The following ERC2 variants were observed in gnomAD, a reference collection of about 807,000 sequenced individuals.
The protein encoded by ERC2 is ELKS/RAB6-interacting/CAST family member 2, also known as ERC protein 2.
In ERC2, 42 loss-of-function variants were observed where a neutral mutation model predicts 114.8. That is an observed-to-expected ratio of 0.37 (90% confidence interval 0.29 to 0.47). The LOEUF (loss-of-function observed/expected upper bound fraction) is 0.47, where lower values mean the gene tolerates loss of function less well. ERC2 is among the 20% of genes least tolerant of loss of function. The pLI, the probability that ERC2 is intolerant of heterozygous loss-of-function variation, is 0.99. For missense variants in ERC2, 939 were observed against 1,150.7 expected, an observed-to-expected ratio of 0.82 and a Z score of 2.66; for synonymous variants, 454 against 425.5, an observed-to-expected ratio of 1.07 and a Z score of -0.82.
chr3:56,343,192 T>TCACACACACACACACACACACA (rs61632315), intron 2 of ERC2, among the ~76,000 whole-genome samples: 11 of 126,128 alleles, frequency 8.7e-5, no homozygotes, highest in South Asian at 2.8e-4. Context: ...TCTCTCTCTC[T>TCACACACACACACACACACACA]CACACACACA....
At chr3:56,267,542 C>T (rs139274542) in intron 3 of ERC2, among the ~76,000 whole-genome samples, 242 of 150,650 alleles carry the variant, frequency 1.6e-3, no homozygotes, top group African/African-American at 5.3e-3. Flanking sequence ...GAGGCCAAGG[C>T]GGGTGGATCA....
At chr3:55,986,114 C>T in intron 11 of ERC2, 126 bp from the exon 12 acceptor site, 2 of 926,090 alleles carry the variant, frequency 2.2e-6, no homozygotes, top group Non-Finnish European at 3.3e-6. Flanking sequence ...GTTATATCAG[C>T]AGGTTTATAA....
intron 14 of ERC2, among the ~76,000 whole-genome samples, chr3:55,797,511 C>T (rs1331654436): frequency 6.6e-6 from 1 of 152,218 alleles, no homozygotes; most frequent in African/African-American, 2.4e-5. Flanking sequence ...ATTTCAGTCA[C>T]TTGCGGTTCC....
At chr3:55,589,449 G>C (rs561326642) in intron 17 of ERC2, among the ~76,000 whole-genome samples, 1 of 152,126 alleles carries the variant, frequency 6.6e-6, no homozygotes, top group African/African-American at 2.4e-5. Flanking sequence ...ATGACTACAC[G>C]GGGAATGTTG....
chr3:56,139,291 A>G (rs1215406489), intron 6 of ERC2, among the ~76,000 whole-genome samples: 1 of 152,204 alleles, frequency 6.6e-6, no homozygotes, highest in Non-Finnish European at 1.5e-5. Flanking sequence ...AAAAATATGC[A>G]TGTGTTTGTT....
At chr3:55,687,812 G>C (rs865273) in intron 16 of ERC2, among the ~76,000 whole-genome samples, 143,592 of 152,342 alleles carry the variant, frequency 0.94, 67,704 homozygotes, top group East Asian at 1. Context: ...CAAAGCAGAT[G>C]CTGTTAGCAT....
At chr3:56,274,333 C>T (rs1230028917) in intron 3 of ERC2, among the ~76,000 whole-genome samples, 4 of 152,136 alleles carry the variant, frequency 2.6e-5, no homozygotes, top group African/African-American at 9.7e-5. Flanking sequence ...GAAAAATTGT[C>T]CTCCACTAAA....
intron 13 of ERC2, among the ~76,000 whole-genome samples, chr3:55,902,259 C>G (rs139503456): frequency 6.6e-6 from 1 of 152,224 alleles, no homozygotes; most frequent in East Asian, 1.9e-4. Flanking sequence ...GCTTCAATTT[C>G]TCCTTTATTT....
intron 4 of ERC2, among the ~76,000 whole-genome samples, chr3:56,170,625 C>A (rs2082609148): frequency 8.8e-6 from 1 of 113,196 alleles, no homozygotes; most frequent in Non-Finnish European, 1.7e-5. Context: ...GAGGTAGTGT[C>A]TCACTATGTC....
At chr3:55,732,879 C>A (rs1403958027) in intron 15 of ERC2, among the ~76,000 whole-genome samples, 2 of 152,108 alleles carry the variant, frequency 1.3e-5, no homozygotes, top group African/African-American at 4.8e-5. Flanking sequence ...TTTTTATGGC[C>A]ATAGAGTACT....
chr3:55,778,615 A>G (rs1435386283), intron 14 of ERC2, among the ~76,000 whole-genome samples: 2 of 152,226 alleles, frequency 1.3e-5, no homozygotes, highest in Non-Finnish European at 2.9e-5. Context: ...ATAAATGTCA[A>G]TTAGATAAGC....
chr3:55,626,026 T>G (rs1420845242), intron 17 of ERC2, among the ~76,000 whole-genome samples: 2 of 152,196 alleles, frequency 1.3e-5, no homozygotes, highest in African/African-American at 2.4e-5. Context: ...ACGTCTGTTT[T>G]GGTTCCTGAA....
chr3:55,699,419 CAGG>C lies in ERC2; in HGVS notation c.2803_2805del (p.Pro935del), dbSNP rs1248188703. The C allele has an allele frequency of 1.9e-6, 3 of 1,613,548 alleles. No individual in the cohort carries two copies. The East Asian group carries it at 6.7e-5, about 36-fold the overall frequency. ...CTGTGATTGGAATGTTGCGACCTCC[CAGG>C]AGATCGATGGTGGTGGTGATGGTGG... is the stretch of plus-strand genomic sequence containing the variant. On this transcript the variant is annotated inframe_deletion, in exon 16 of 18. Coordinates refer to ENST00000288221, the MANE Select transcript of ERC2 (RefSeq NM_015576.3).
chr3:55,837,165 A>G (rs1362184729), intron 14 of ERC2, among the ~76,000 whole-genome samples: 1 of 152,212 alleles, frequency 6.6e-6, no homozygotes, highest in East Asian at 1.9e-4. Context: ...TGGGACTGTA[A>G]ACTAGTTCAA....
chr3:55,804,459 G>C, intron 14 of ERC2, among the ~76,000 whole-genome samples: 1 of 152,176 alleles, frequency 6.6e-6, no homozygotes, highest in Non-Finnish European at 1.5e-5. Flanking sequence ...TAACCCCAGA[G>C]ACAGGATGAT....
At chr3:55,582,509 G>A (rs2057313317) in intron 17 of ERC2, among the ~76,000 whole-genome samples, 1 of 152,186 alleles carries the variant, frequency 6.6e-6, no homozygotes, top group Admixed American at 6.5e-5. Context: ...TCAATATTTT[G>A]AAGTGGAATC....
At chr3:55,600,502 A>G (rs1049728770) in intron 17 of ERC2, among the ~76,000 whole-genome samples, 3 of 152,216 alleles carry the variant, frequency 2.0e-5, no homozygotes, top group Admixed American at 6.5e-5. Flanking sequence ...CACGTCTGCC[A>G]TCTTCTCCCC....
intron 16 of ERC2, among the ~76,000 whole-genome samples, chr3:55,696,686 T>G (rs2062948435): frequency 6.6e-6 from 1 of 152,212 alleles, no homozygotes; most frequent in Non-Finnish European, 1.5e-5. Context: ...GGACTTAGAT[T>G]TATAACAGTA....
intron 12 of ERC2, among the ~76,000 whole-genome samples, chr3:55,955,955 C>T (rs369834997): frequency 6.6e-6 from 1 of 152,116 alleles, no homozygotes; most frequent in South Asian, 2.1e-4. Flanking sequence ...CTCACATATA[C>T]AAGGAAAACA....
Sources: allele counts gnomAD v4.1 joint callset (sites outside exome capture counted in the v4.1 genomes callset), GRCh38; gene constraint gnomAD v4.1.1; transcripts MANE v1.5; gene names NCBI Gene and HGNC (gene_info 2026-07-23, HGNC 2026-07-21).